CBR4: variants seen among roughly 807,000 people sequenced by gnomAD.
CBR4 encodes carbonyl reductase 4, also known as 3-oxoacyl-[acyl-carrier-protein] reductase.
A neutral mutation model predicts 21.0 loss-of-function variants in CBR4; 22 were observed. The observed-to-expected ratio is 1.05, with a 90% CI of 0.75 to 1.50. The LOEUF (loss-of-function observed/expected upper bound fraction) is 1.50. Ranked by LOEUF, CBR4 falls within the 40% of genes most tolerant of loss-of-function variation. The probability of loss-of-function intolerance (pLI) is 0.00; values close to 1 mark genes in which losing one functional copy is unlikely to be tolerated. For missense variants in CBR4, 302 were observed against 286.3 expected, an observed-to-expected ratio of 1.05 and a Z score of -0.40; for synonymous variants, 100 against 104.4, an observed-to-expected ratio of 0.96 and a Z score of 0.26.
downstream of CBR4, among the ~76,000 whole-genome samples, chr4:168,984,326 A>G (rs1764623329): frequency 6.6e-6 from 1 of 152,206 alleles, no homozygotes; most frequent in African/African-American, 2.4e-5. Context: ...CAAATAAAAT[A>G]CTTAGCAATA....
chr4:168,986,466 T>G (rs1453685561), downstream of CBR4, among the ~76,000 whole-genome samples: 1 of 152,212 alleles, frequency 6.6e-6, no homozygotes, highest in Non-Finnish European at 1.5e-5. Flanking sequence ...GGTTGCAATT[T>G]TATATGTGTG....
intron 3 of CBR4, chr4:169,005,915 CT>C: frequency 7.8e-7 from 1 of 1,286,610 alleles, no homozygotes; most frequent in Non-Finnish European, 1.0e-6. Flanking sequence ...CTTCTGTGGC[CT>C]TTTAAGGTAT....
chr4:168,969,553 T>C (rs920609529), intron 2 of CBR4, among the ~76,000 whole-genome samples: 2 of 152,080 alleles, frequency 1.3e-5, no homozygotes, highest in Non-Finnish European at 2.9e-5. Context: ...AGCAGAAGGA[T>C]AGAGTTCAAC....
downstream of CBR4, among the ~76,000 whole-genome samples, chr4:168,982,828 C>T (rs1764581724): frequency 1.3e-5 from 2 of 152,070 alleles, no homozygotes; most frequent in Admixed American, 1.3e-4. Context: ...TTTGGGTAAA[C>T]AATGAAATTC....
chr4:168,926,260 C>G (rs1362421890), intron 2 of CBR4: 2 of 1,536,964 alleles, frequency 1.3e-6, no homozygotes, highest in Admixed American at 3.9e-5. Context: ...AAAAGTACGG[C>G]CCTCAGCCAG....
intron 2 of CBR4, among the ~76,000 whole-genome samples, chr4:168,931,447 C>T (rs1452717046): frequency 2.6e-5 from 4 of 151,602 alleles, no homozygotes; most frequent in African/African-American, 4.9e-5. Context: ...GGGAGATTAA[C>T]TTCCAGTAGA....
At position 169,010,239 on chromosome 4, in the gene CBR4, T is replaced by A; in HGVS notation, c.-150A>T. On this transcript the variant is annotated 5_prime_UTR_variant, in exon 1 of 5. Transcript: ENST00000306193. ...AAAAATAACGCCGCTCGACACCTCC[T>A]GCAGCCGCACAATAGTAATGCAAGA... is the stretch of plus-strand genomic sequence containing the variant. The A allele has an allele frequency of 1.4e-6, 1 of 690,660 alleles. No homozygotes were observed. 42.8% of individuals were successfully genotyped at this position (690,660 alleles called of 1,614,324 possible). A position where few individuals can be genotyped will look rare whatever the true frequency, so the allele number is the denominator to read the frequency against.
chr4:168,982,021 T>TAA (rs757927994), intron 2 of CBR4, among the ~76,000 whole-genome samples: 2 of 152,152 alleles, frequency 1.3e-5, no homozygotes, highest in African/African-American at 2.4e-5. Context: ...CAAGTCTACA[T>TAA]AACAATCAGC....
At chr4:168,922,615 A>G (rs544863616) in intron 2 of CBR4, among the ~76,000 whole-genome samples, 1 of 152,222 alleles carries the variant, frequency 6.6e-6, no homozygotes, top group East Asian at 1.9e-4. Context: ...AGTCTTGACA[A>G]AACTCTTGGA....
chr4:168,970,640 C>T (rs1005541400), intron 2 of CBR4, among the ~76,000 whole-genome samples: 11 of 152,008 alleles, frequency 7.2e-5, no homozygotes, highest in African/African-American at 2.4e-4. Flanking sequence ...CACCCCCCTC[C>T]CACCCTTCCC....
chr4:168,929,790 A>G (rs1365564817), intron 2 of CBR4, among the ~76,000 whole-genome samples: 1 of 152,168 alleles, frequency 6.6e-6, no homozygotes, highest in African/African-American at 2.4e-5. Flanking sequence ...TGCTGTGAAG[A>G]TTATATGGGA....
intron 3 of CBR4, 129 bp from the exon 4 acceptor site, chr4:169,002,334 T>A (rs1730524370): frequency 2.0e-6 from 2 of 976,508 alleles, no homozygotes; most frequent in African/African-American, 1.7e-5. Context: ...TTGTTAAAAT[T>A]AGAAATTCTA....
chr4:168,958,323 C>T (rs72704263), intron 2 of CBR4, among the ~76,000 whole-genome samples: 1,700 of 151,904 alleles, frequency 0.011, 13 homozygotes, highest in Non-Finnish European at 0.019. Context: ...TGAGAACAGA[C>T]GAATACATAC....
At chr4:168,995,681 T>C (rs1765161360) in intron 4 of CBR4, among the ~76,000 whole-genome samples, 1 of 152,168 alleles carries the variant, frequency 6.6e-6, no homozygotes, top group African/African-American at 2.4e-5. Context: ...ACATTTACAA[T>C]GCCTTTCACA....
rs554913376 is a variant in CBR4, at chr4:168,902,914, G to C, written n.170-8149C>G. ...AGCCTTCCAAATAGCTAGGGCTATA[G>C]ACATGCACCACCACACCCAGATAAT... On this transcript the variant is annotated intron_variant and non_coding_transcript_variant, in intron 2 of 3. Transcript: ENST00000509108. Among the ~76,000 whole-genome samples the C allele has an allele frequency of 2.6e-5, 4 of 152,152 alleles. No individual in the cohort carries two copies. The South Asian group carries it at 8.3e-4, about 32-fold the overall frequency.
At position 168,898,493 on chromosome 4, in the gene CBR4, G is replaced by A. The variant is rs759161069; in HGVS notation, n.170-3728C>T. 1.9e-6 allele frequency: 3 copies of A among 1,605,934 alleles called. No homozygotes were observed. ...CTAACTTAAACTTTCCTTGATTCAG[G>A]AATACAAAGTCTCCAGCTGTGAACA... On this transcript the variant is annotated intron_variant and non_coding_transcript_variant, in intron 2 of 3. Coordinates refer to the CBR4 transcript ENST00000509108.
intron 2 of CBR4, among the ~76,000 whole-genome samples, chr4:168,930,037 C>T (rs1385352687): frequency 6.6e-6 from 1 of 152,042 alleles, no homozygotes; most frequent in African/African-American, 2.4e-5. Context: ...GTATAAAATA[C>T]CTGGGACTGT....
intron 2 of CBR4, among the ~76,000 whole-genome samples, chr4:168,956,506 G>A (rs1763688717): frequency 7.1e-6 from 1 of 140,010 alleles, no homozygotes; most frequent in Non-Finnish European, 1.5e-5. Flanking sequence ...GCTGAGGGGA[G>A]AAGATTGCTT....
At chr4:168,915,807 C>G (rs374118116) in intron 2 of CBR4, 7 of 972,398 alleles carry the variant, frequency 7.2e-6, no homozygotes, top group African/African-American at 6.4e-5. Flanking sequence ...TATTATTACC[C>G]CATGTATTTT....
Sources: allele counts gnomAD v4.1 joint callset (sites outside exome capture counted in the v4.1 genomes callset), GRCh38; gene constraint gnomAD v4.1.1; transcripts MANE v1.5; gene names NCBI Gene and HGNC (gene_info 2026-07-23, HGNC 2026-07-21).